IL19: variants seen among roughly 807,000 people sequenced by gnomAD.
The protein encoded by IL19 is interleukin 19.
Under a neutral mutation model 19.5 loss-of-function variants are expected in IL19, and 15 were observed. The observed-to-expected ratio is 0.77, with a 90% CI of 0.52 to 1.19. The LOEUF (loss-of-function observed/expected upper bound fraction) is 1.19, where lower values mean the gene tolerates loss of function less well. IL19 is among the 50% of genes most tolerant of loss of function. The pLI is 0.00. For synonymous variants in IL19, 78 were observed against 78.3 expected (o/e 1.00, Z 0.02); for missense variants, 199 against 213.1 (o/e 0.93, Z 0.41).
chr1:206,812,495 G>A lies in IL19; in HGVS notation c.-3+13489G>A, dbSNP rs141366509. On this transcript the variant is annotated intron_variant, in intron 2 of 6. Coordinates refer to ENST00000659997, the MANE Select transcript of IL19 (RefSeq NM_153758.5). ...GGCGACTGATTACCAAAGTGAAATT[G>A]GATTGCTGCCACTCCATGGGCCCAA... 1.7e-3 allele frequency among the ~76,000 whole-genome samples: 264 copies of A among 152,300 alleles called. 2 individuals carry two copies. The highest frequency in any genetic ancestry group is 6.0e-3 in the African/African-American group (250 of 41,556).
chr1:206,774,282 T>C (rs1168249143), intron 1 of IL19, among the ~76,000 whole-genome samples: 1 of 152,158 alleles, frequency 6.6e-6, no homozygotes, highest in Non-Finnish European at 1.5e-5. Context: ...AATCAGGAAG[T>C]GAGAAAGAGC....
chr1:206,824,115 C>T (rs1363437528), intron 2 of IL19, among the ~76,000 whole-genome samples: 1 of 152,210 alleles, frequency 6.6e-6, no homozygotes, highest in Non-Finnish European at 1.5e-5. Context: ...CGGATTATTT[C>T]TCTCCAGAGG....
At chr1:206,840,368 T>G in intron 5 of IL19, 1 of 371,922 alleles carries the variant, frequency 2.7e-6, no homozygotes, top group Admixed American at 3.8e-5. Flanking sequence ...GGTAGTTCCT[T>G]GGTATGGCCT....
chr1:206,839,869 T>G lies in IL19; in HGVS notation c.230T>G (p.Val77Gly). 5.6e-6 allele frequency: 9 copies of G among 1,614,040 alleles called. No homozygotes were observed. Among genetic ancestry groups the G allele is most frequent in the Non-Finnish European group, 7.6e-6 (9 of 1,179,950 alleles). ...TTGTAGCCCTTAGATGTGTGCTGCG[T>G]GACCAAGAACCTCCTGGCGTTCTAC... ...QIIKPLDVCC[V>G]TKNLLAFYVD... Residue 77 changes from valine (V) to glycine (G), a missense_variant, in exon 5 of 7, where the codon GTG becomes GGG. Physicochemically the swap from Val to Gly is moderately radical, Grantham distance 109. Coordinates refer to ENST00000659997, the MANE Select transcript of IL19 (RefSeq NM_153758.5).
chr1:206,822,323 G>A (rs1676309669), intron 2 of IL19, among the ~76,000 whole-genome samples: 2 of 152,200 alleles, frequency 1.3e-5, no homozygotes, highest in South Asian at 4.1e-4. Flanking sequence ...GGCAAAGTTG[G>A]CACAAGAATC....
chr1:206,837,364 A>C (rs1035502844), intron 4 of IL19, among the ~76,000 whole-genome samples: 3 of 152,130 alleles, frequency 2.0e-5, no homozygotes, highest in Non-Finnish European at 4.4e-5. Context: ...GTTGTAGATC[A>C]GTGAATAAGA....
intron 1 of IL19, among the ~76,000 whole-genome samples, chr1:206,788,696 A>G (rs959657423): frequency 1.3e-5 from 2 of 152,132 alleles, no homozygotes; most frequent in Non-Finnish European, 2.9e-5. Flanking sequence ...GTTGAGGCAG[A>G]AGCAGTTGGA....
intron 2 of IL19, among the ~76,000 whole-genome samples, chr1:206,818,044 G>T (rs561466072): frequency 1.3e-5 from 2 of 152,150 alleles, no homozygotes; most frequent in Non-Finnish European, 2.9e-5. Flanking sequence ...GATTGCAGGC[G>T]TGAGCCACCA....
chr1:206,838,222 A>G (rs1378862786), intron 4 of IL19, among the ~76,000 whole-genome samples: 3 of 152,368 alleles, frequency 2.0e-5, no homozygotes, highest in South Asian at 4.1e-4. Context: ...TAGCTGGCTT[A>G]CCAGGTGATC....
At chr1:206,772,408 G>T (rs1200270622) in intron 1 of IL19, 1 of 1,614,222 alleles carries the variant, frequency 6.2e-7, no homozygotes, top group Non-Finnish European at 8.5e-7. Context: ...AGGAGGACCA[G>T]GCAACAGAGC....
chr1:206,809,079 T>C (rs183050406), intron 2 of IL19, among the ~76,000 whole-genome samples: 1 of 152,278 alleles, frequency 6.6e-6, no homozygotes, highest in East Asian at 1.9e-4. Flanking sequence ...TCTTTGTATA[T>C]GTTGATCATG....
At chr1:206,833,360 C>G (rs1360651630) in intron 2 of IL19, among the ~76,000 whole-genome samples, 2 of 152,196 alleles carry the variant, frequency 1.3e-5, no homozygotes, top group African/African-American at 4.8e-5. Context: ...TGGCTTGTTT[C>G]AGGATTTGGC....
chr1:206,795,454 T>C (rs1675499450), intron 1 of IL19, among the ~76,000 whole-genome samples: 1 of 152,182 alleles, frequency 6.6e-6, no homozygotes, highest in Non-Finnish European at 1.5e-5. Flanking sequence ...TACTCTCAGA[T>C]TGGATGCCTC....
At chr1:206,809,570 AC>A (rs1221659714) in intron 2 of IL19, among the ~76,000 whole-genome samples, 1 of 152,144 alleles carries the variant, frequency 6.6e-6, no homozygotes, top group African/African-American at 2.4e-5. Flanking sequence ...TACCATACCA[AC>A]CTCTGGGCAT....
chr1:206,777,091 C>A (rs1485702823), intron 1 of IL19, among the ~76,000 whole-genome samples: 1 of 151,562 alleles, frequency 6.6e-6, no homozygotes, highest in South Asian at 2.1e-4. Context: ...ATTAGCTGGG[C>A]GTGGTGGCAG....
intron 2 of IL19, among the ~76,000 whole-genome samples, chr1:206,804,427 A>G (rs1221441157): frequency 6.6e-6 from 1 of 152,200 alleles, no homozygotes; most frequent in Non-Finnish European, 1.5e-5. Flanking sequence ...TTGATTCCCT[A>G]TATGACAATA....
intron 1 of IL19, among the ~76,000 whole-genome samples, chr1:206,792,568 T>A (rs1174716647): frequency 6.6e-6 from 1 of 151,984 alleles, no homozygotes; most frequent in Non-Finnish European, 1.5e-5. Context: ...GTGATTCTCC[T>A]GCCTCAGCCT....
intron 2 of IL19, among the ~76,000 whole-genome samples, chr1:206,832,011 G>T (rs563853104): frequency 2.0e-5 from 3 of 152,242 alleles, no homozygotes; most frequent in Non-Finnish European, 2.9e-5. Context: ...GCTCTGAGCT[G>T]CTATTCTCAC....
At chr1:206,830,197 C>T (rs936047681) in intron 2 of IL19, among the ~76,000 whole-genome samples, 10 of 152,240 alleles carry the variant, frequency 6.6e-5, no homozygotes, top group Non-Finnish European at 1.2e-4. Context: ...CACTTCCTTG[C>T]GGTGCCATGG....
Sources: gnomAD v4.1 joint callset for allele counts (sites outside exome capture counted in the v4.1 genomes callset) on GRCh38, gnomAD v4.1.1 for gene constraint, MANE v1.5 for transcripts, NCBI Gene and HGNC (gene_info 2026-07-23, HGNC 2026-07-21) for gene names.